MMRN1: variants seen among roughly 807,000 people sequenced by gnomAD.
MMRN1 encodes the protein multimerin 1.
A neutral mutation model predicts 100.7 loss-of-function variants in MMRN1; 94 were observed. The ratio of observed to expected loss-of-function variants is 0.93; its 90% CI spans 0.79 to 1.11. The LOEUF is 1.11. MMRN1 is among the 50% of genes least tolerant of loss of function. MMRN1 has a pLI of 0.00. For missense variants in MMRN1, 1,606 were observed against 1,439.1 expected (o/e 1.12, Z -1.88); for synonymous variants, 575 against 505.0 (o/e 1.14, Z -1.86).
intron 1 of MMRN1, among the ~76,000 whole-genome samples, chr4:89,904,116 C>T (rs1361589144): frequency 1.3e-5 from 2 of 151,548 alleles, no homozygotes; most frequent in African/African-American, 4.8e-5. Flanking sequence ...TCTTCTTTTC[C>T]CCTTTCCTGT....
At chr4:89,916,665 T>C (rs1189069452) in intron 3 of MMRN1, among the ~76,000 whole-genome samples, 1 of 151,740 alleles carries the variant, frequency 6.6e-6, no homozygotes, top group Non-Finnish European at 1.5e-5. Flanking sequence ...ATTTTTTATC[T>C]TTTTCAATTG....
Position 89,953,371 on chromosome 4 carries a change from T to C in MMRN1, c.3640T>C (p.Phe1214Leu). The C allele has an allele frequency of 6.2e-7, 1 of 1,612,774 alleles. No homozygotes were observed. The highest frequency in any genetic ancestry group is 2.2e-5 in the East Asian group (1 of 44,840). ...TGCAAAAGGAACAATTCCAGCCAAG[T>C]TTCCCCCTGTTACTACATTTAGTGG... Reference protein sequence around the residue: ...RLAKGTIPAKFPPVTTFSGYL... With the variant: ...RLAKGTIPAKLPPVTTFSGYL... The change falls in exon 8 of 8, where the codon TTT becomes CTT. Residue 1214 changes from phenylalanine (F) to leucine (L), a missense_variant. Phe to Leu is a conservative substitution (Grantham distance 22). Coordinates refer to ENST00000264790, the MANE Select transcript of MMRN1 (RefSeq NM_007351.3).
intron 6 of MMRN1, among the ~76,000 whole-genome samples, chr4:89,945,232 A>G (rs545283543): frequency 3.3e-5 from 5 of 152,130 alleles, no homozygotes; most frequent in Admixed American, 6.6e-5. Flanking sequence ...CAATTTCTTT[A>G]TCTATTTACC....
At chr4:89,885,485 C>T (rs1720915749) in intron 1 of MMRN1, among the ~76,000 whole-genome samples, 1 of 151,960 alleles carries the variant, frequency 6.6e-6, no homozygotes, top group Admixed American at 6.6e-5. Context: ...AAAAGAATTC[C>T]TGAAGATTTG....
intron 3 of MMRN1, among the ~76,000 whole-genome samples, chr4:89,920,579 T>C (rs1008309379): frequency 6.6e-6 from 1 of 152,160 alleles, no homozygotes; most frequent in Non-Finnish European, 1.5e-5. Context: ...GGTTTTCATT[T>C]CTTAAACTTT....
intron 6 of MMRN1, 119 bp downstream of exon 6, chr4:89,936,917 T>C (rs1722664670): frequency 4.5e-6 from 4 of 890,956 alleles, no homozygotes; most frequent in East Asian, 2.7e-5. Context: ...CTTGGATAGA[T>C]AGTCAAGTTG....
At chr4:89,943,828 A>G (rs1722906144) in intron 6 of MMRN1, among the ~76,000 whole-genome samples, 2 of 152,104 alleles carry the variant, frequency 1.3e-5, no homozygotes, top group African/African-American at 2.4e-5. Context: ...CATCTCTAAT[A>G]AAAATACAAA....
intron 1 of MMRN1, among the ~76,000 whole-genome samples, chr4:89,884,124 C>T (rs550040757): frequency 5.9e-5 from 9 of 152,036 alleles, no homozygotes; most frequent in South Asian, 2.1e-4. Flanking sequence ...TTGTAGATTA[C>T]GTCTTGACAT....
At chr4:89,898,838 C>T (rs530752395) in intron 1 of MMRN1, among the ~76,000 whole-genome samples, 1 of 152,062 alleles carries the variant, frequency 6.6e-6, no homozygotes, top group Non-Finnish European at 1.5e-5. Context: ...TTGAATTCCC[C>T]TGTTCACTGC....
chr4:89,912,498 T>C (rs1004000665), intron 3 of MMRN1, among the ~76,000 whole-genome samples: 5 of 151,150 alleles, frequency 3.3e-5, no homozygotes, highest in African/African-American at 1.2e-4. Flanking sequence ...ACATACAAGG[T>C]ATGTCATGAA....
intron 6 of MMRN1, among the ~76,000 whole-genome samples, chr4:89,944,180 T>C (rs907829140): frequency 2.0e-5 from 3 of 152,212 alleles, no homozygotes; most frequent in Admixed American, 6.5e-5. Context: ...TTTTTGACTT[T>C]TGTACATTTT....
chr4:89,927,042 T>C (rs943840653), intron 4 of MMRN1, among the ~76,000 whole-genome samples: 1 of 152,198 alleles, frequency 6.6e-6, no homozygotes, highest in African/African-American at 2.4e-5. Flanking sequence ...GTGTTATAAT[T>C]TGAAGTCAGG....
chr4:89,897,214 AT>A (rs201158467), intron 1 of MMRN1, among the ~76,000 whole-genome samples: 59 of 148,974 alleles, frequency 4.0e-4, no homozygotes, highest in Non-Finnish European at 4.9e-4. Context: ...ATAGCTAAGA[AT>A]TTTTTTTTTT....
intron 1 of MMRN1, among the ~76,000 whole-genome samples, chr4:89,907,587 A>G (rs1721608509): frequency 6.6e-6 from 1 of 151,240 alleles, no homozygotes; most frequent in Admixed American, 6.6e-5. Flanking sequence ...GCCCAATCTT[A>G]GGACCACTTC....
At chr4:89,949,307 C>G (rs1723086374) in intron 6 of MMRN1, among the ~76,000 whole-genome samples, 1 of 152,104 alleles carries the variant, frequency 6.6e-6, no homozygotes, top group Non-Finnish European at 1.5e-5. Flanking sequence ...AATTATAGAG[C>G]TGATCAAATT....
At chr4:89,921,046 G>C (rs1464745330) in intron 3 of MMRN1, among the ~76,000 whole-genome samples, 1 of 152,022 alleles carries the variant, frequency 6.6e-6, no homozygotes, top group East Asian at 1.9e-4. Context: ...TAGTAATCTT[G>C]TTTGTATTCA....
At chr4:89,941,502 A>C (rs1386500999) in intron 6 of MMRN1, among the ~76,000 whole-genome samples, 10 of 152,202 alleles carry the variant, frequency 6.6e-5, no homozygotes, top group Non-Finnish European at 1.5e-5. Context: ...CAAGCCCATC[A>C]GATACTCAGC....
rs770273945 is a variant in MMRN1 at position 89,953,205 on chromosome 4, T to A, written c.3474T>A (p.Ile1158=). ...CCATCGAGTCATTTAGTGCTCATATTTCTGGATTTTTAGTGGTTGATGGAA... is the reference window on the plus strand; with the variant it reads ...CCATCGAGTCATTTAGTGCTCATATATCTGGATTTTTAGTGGTTGATGGAA... The part of the protein sequence containing the change: ...KYTIESFSAH[I]SGFLVVDGID... The change falls in exon 8 of 8, where the codon ATT becomes ATA. Residue 1158 remains isoleucine (I), a synonymous_variant. Transcript: ENST00000264790. 4 of 1,613,870 alleles carry A rather than the reference T, an allele frequency of 2.5e-6. No individual in the cohort carries two copies. In the South Asian group the frequency reaches 3.3e-5, roughly 13 times the overall value.
chr4:89,944,325 A>G (rs529169716), intron 6 of MMRN1, among the ~76,000 whole-genome samples: 4 of 152,340 alleles, frequency 2.6e-5, no homozygotes, highest in African/African-American at 9.6e-5. Flanking sequence ...AGAATTTGAT[A>G]AATATTGCCA....
Sources: allele counts gnomAD v4.1 joint callset (sites outside exome capture counted in the v4.1 genomes callset), GRCh38; gene constraint gnomAD v4.1.1; transcripts MANE v1.5; gene names NCBI Gene and HGNC (gene_info 2026-07-23, HGNC 2026-07-21).